COBL: variants seen among roughly 807,000 people sequenced by gnomAD.
COBL encodes the protein cordon-bleu WH2 repeat protein.
In COBL, 51 loss-of-function variants were observed where a neutral mutation model predicts 98.8. The ratio of observed to expected loss-of-function variants is 0.52; its 90% CI spans 0.41 to 0.65. COBL has a LOEUF of 0.65. Ranked by LOEUF, COBL falls within the 30% of genes least tolerant of loss-of-function variation. The pLI, the probability that COBL is intolerant of heterozygous loss-of-function variation, is 0.00. For missense variants in COBL, 1,617 were observed against 1,617.5 expected, an observed-to-expected ratio of 1.00 and a Z score of 0.01; for synonymous variants, 634 against 651.7, an observed-to-expected ratio of 0.97 and a Z score of 0.41.
At position 51,102,237 on chromosome 7, in the gene COBL, C is replaced by CGAG. The variant is rs1795875899; in HGVS notation, c.958-16934_958-16933insCTC. On this transcript the variant is annotated intron_variant, in intron 6 of 12. Transcript: ENST00000265136. Reference sequence around the variant, plus strand: ...TCAGGACTGATTTTTAAATGCCTCCCGTCTGGCATATGGTAGGAAGGAAAC... The same window carrying CGAG: ...TCAGGACTGATTTTTAAATGCCTCCCGAGGTCTGGCATATGGTAGGAAGGAAAC... 2.0e-5 allele frequency among the ~76,000 whole-genome samples: 3 copies of CGAG among 152,204 alleles called. No individual in the cohort carries two copies. The South Asian group carries it at 6.2e-4, about 32-fold the overall frequency.
intron 7 of COBL, among the ~76,000 whole-genome samples, chr7:51,074,037 T>C (rs1792818908): frequency 1.3e-5 from 2 of 152,006 alleles, no homozygotes; most frequent in South Asian, 2.1e-4. Context: ...TCTGAAGGCC[T>C]TGGGGGAAAG....
intron 6 of COBL, among the ~76,000 whole-genome samples, chr7:51,122,018 C>T (rs965736450): frequency 6.6e-6 from 1 of 152,306 alleles, no homozygotes; most frequent in African/African-American, 2.4e-5. Flanking sequence ...AGCCAGCTTC[C>T]CACTTCCTCC....
intron 1 of COBL, among the ~76,000 whole-genome samples, chr7:51,247,194 G>A (rs936136774): frequency 2.2e-4 from 34 of 152,176 alleles, no homozygotes; most frequent in African/African-American, 7.5e-4. Context: ...GGCCATCCAT[G>A]GAGAAGACTC....
At chr7:51,037,044 C>G (rs973225001) in intron 8 of COBL, among the ~76,000 whole-genome samples, 3 of 152,180 alleles carry the variant, frequency 2.0e-5, no homozygotes, top group Non-Finnish European at 4.4e-5. Context: ...TCCTCTACTT[C>G]CCCATCCATC....
rs1366567866 is a variant in COBL at position 51,080,202 on chromosome 7, G to A, written c.1096+4964C>T. Among the ~76,000 whole-genome samples, 3 of 152,196 alleles carry A rather than the reference G, an allele frequency of 2.0e-5. No individual in the cohort carries two copies. In the East Asian group the frequency reaches 5.8e-4, roughly 29 times the overall value. On this transcript the variant is annotated intron_variant, in intron 7 of 12. Transcript: ENST00000265136. ...CAGAGTTGAAGAGATAAAATAAAGG[G>A]TGAAGTTGTATAGGACTTATTTATG... is the stretch of plus-strand genomic sequence containing the variant.
chr7:51,246,766 G>C (rs1202521078), intron 1 of COBL, among the ~76,000 whole-genome samples: 1 of 152,246 alleles, frequency 6.6e-6, no homozygotes, highest in African/African-American at 2.4e-5. Flanking sequence ...CATACTTGCA[G>C]ACTTCTTCCA....
At chr7:51,094,497 ATTAT>A (rs1427436064) in intron 6 of COBL, among the ~76,000 whole-genome samples, 1 of 152,156 alleles carries the variant, frequency 6.6e-6, no homozygotes, top group African/African-American at 2.4e-5. Context: ...ATAAACAATT[ATTAT>A]TTATCAATTA....
At chr7:51,118,029 T>C (rs1797429441) in intron 6 of COBL, among the ~76,000 whole-genome samples, 1 of 152,208 alleles carries the variant, frequency 6.6e-6, no homozygotes, top group Non-Finnish European at 1.5e-5. Context: ...ACAGAATTTA[T>C]GGCTGTCCCT....
chr7:51,149,921 A>G (rs1024203648), intron 5 of COBL, among the ~76,000 whole-genome samples: 3 of 152,204 alleles, frequency 2.0e-5, no homozygotes, highest in African/African-American at 7.2e-5. Context: ...CACTGCAACC[A>G]GCCCAGAATG....
chr7:51,112,331 T>G (rs1433525362), intron 6 of COBL, among the ~76,000 whole-genome samples: 1 of 152,208 alleles, frequency 6.6e-6, no homozygotes, highest in Non-Finnish European at 1.5e-5. Context: ...AAAGAAACAT[T>G]GGAAGCAAAG....
At chr7:51,115,315 G>A (rs529633512) in intron 6 of COBL, among the ~76,000 whole-genome samples, 2 of 151,528 alleles carry the variant, frequency 1.3e-5, no homozygotes, top group East Asian at 1.9e-4. Flanking sequence ...TCTCTTTCTT[G>A]GATTTATTTT....
rs202161212 is a variant in COBL at position 51,107,084 on chromosome 7, G to GTTTTTTTTTTTTTTTTTTTTTTTTTTTTT, written c.958-21781_958-21780insAAAAAAAAAAAAAAAAAAAAAAAAAAAAA. ...ACTTAACACTTTTTTTGTGATCCTAGTTTGTTTGTTTTTTTTTTTTTTTTT... is the reference window on the plus strand; with the variant it reads ...ACTTAACACTTTTTTTGTGATCCTAGTTTTTTTTTTTTTTTTTTTTTTTTTTTTTTTTGTTTGTTTTTTTTTTTTTTTTT... On this transcript the variant is annotated intron_variant, in intron 6 of 12. Coordinates refer to ENST00000265136, the MANE Select transcript of COBL (RefSeq NM_015198.5). 3.7e-5 allele frequency among the ~76,000 whole-genome samples: 4 copies of GTTTTTTTTTTTTTTTTTTTTTTTTTTTTT among 109,312 alleles called. 1 individual carries two copies. The highest frequency in any genetic ancestry group is 3.4e-5 in the African/African-American group (1 of 29,314). 71.7% of individuals were successfully genotyped at this position (109,312 alleles called of 152,430 possible). A position where few individuals can be genotyped will look rare whatever the true frequency, so the allele number is the denominator to read the frequency against.
At position 51,276,552 on chromosome 7, in the gene COBL, CA is replaced by C. The variant is rs1799330929; in HGVS notation, c.41+40040del. On this transcript the variant is annotated intron_variant, in intron 1 of 12. Coordinates refer to ENST00000265136, the MANE Select transcript of COBL (RefSeq NM_015198.5). ...ATGCCAGTCCTTGTCATTTATCGTT[CA>C]AACCTTCCACAAGCTTTAAGGAACA... Among the ~76,000 whole-genome samples the C allele has an allele frequency of 5.9e-5, 9 of 152,174 alleles. No individual in the cohort carries two copies. The South Asian group carries it at 1.9e-3, about 32-fold the overall frequency.
At chr7:51,234,161 A>G (rs549717340) in intron 1 of COBL, among the ~76,000 whole-genome samples, 3 of 152,296 alleles carry the variant, frequency 2.0e-5, no homozygotes, top group Non-Finnish European at 4.4e-5. Flanking sequence ...TCCGTTGAAA[A>G]TATGACACTT....
chr7:51,143,289 A>G (rs1205817054), intron 5 of COBL, among the ~76,000 whole-genome samples: 1 of 152,142 alleles, frequency 6.6e-6, no homozygotes, highest in East Asian at 1.9e-4. Context: ...AGTTTCAGGG[A>G]AAAATGAGGT....
At chr7:51,085,414 G>T in intron 6 of COBL, 110 bp from the exon 7 acceptor site, 1 of 1,231,336 alleles carries the variant, frequency 8.1e-7, no homozygotes. Context: ...ACCGGAAGGT[G>T]GTGCTCCAGG....
At chr7:51,300,073 C>T (rs1472788868) in intron 1 of COBL, among the ~76,000 whole-genome samples, 1 of 152,190 alleles carries the variant, frequency 6.6e-6, no homozygotes, top group African/African-American at 2.4e-5. Context: ...CTGTGCCTTC[C>T]TTACTTCCCT....
intron 1 of COBL, among the ~76,000 whole-genome samples, chr7:51,223,384 T>C (rs1793848798): frequency 2.6e-5 from 4 of 152,268 alleles, no homozygotes; most frequent in Admixed American, 2.6e-4. Context: ...TGATGATGCC[T>C]GGACATCTTC....
intron 7 of COBL, among the ~76,000 whole-genome samples, chr7:51,061,746 T>A (rs1013364209): frequency 1.3e-5 from 2 of 152,130 alleles, no homozygotes; most frequent in South Asian, 4.1e-4. Context: ...AGGGTGAATG[T>A]GTTCTCTGTG....
Sources: gnomAD v4.1 joint callset for allele counts (sites outside exome capture counted in the v4.1 genomes callset) on GRCh38, gnomAD v4.1.1 for gene constraint, MANE v1.5 for transcripts, NCBI Gene and HGNC (gene_info 2026-07-23, HGNC 2026-07-21) for gene names.